ABCG5: variants seen among roughly 807,000 people sequenced by gnomAD.
ABCG5 encodes the protein ATP-binding cassette sub-family G member 5.
A neutral mutation model predicts 64.5 loss-of-function variants in ABCG5; 64 were observed. That is an observed-to-expected ratio of 0.99 (90% CI 0.81 to 1.22). ABCG5 has a LOEUF of 1.22. Among genes scored for constraint, ABCG5 ranks in the 50% most tolerant of loss-of-function variants. ABCG5 has a pLI of 0.00. For synonymous variants in ABCG5, 385 were observed against 326.3 expected (o/e 1.18, Z -1.94); for missense variants, 908 against 829.5 (o/e 1.09, Z -1.16).
intron 12 of ABCG5, among the ~76,000 whole-genome samples, chr2:43,813,708 C>CCTTT (rs1558715512): frequency 2.8e-5 from 1 of 35,374 alleles, no homozygotes; most frequent in Admixed American, 3.7e-4. Context: ...TTTTTTTTTT[C>CCTTT]GTTTTTTTTT....
chr2:43,823,602 T>C (rs1479325181), intron 9 of ABCG5, among the ~76,000 whole-genome samples: 3 of 152,194 alleles, frequency 2.0e-5, no homozygotes, highest in Non-Finnish European at 4.4e-5. Context: ...CCCCATGGGC[T>C]GTGCATCTGA....
chr2:43,822,679 G>A, intron 10 of ABCG5, 118 bp downstream of exon 10: 1 of 1,566,214 alleles, frequency 6.4e-7, no homozygotes. Flanking sequence ...GACACTGATG[G>A]GCAAAGTGTA....
At position 43,824,972 on chromosome 2, in the gene ABCG5, C is replaced by A; in HGVS notation, c.821G>T (p.Cys274Phe). The A allele has an allele frequency of 6.2e-7, 1 of 1,614,010 alleles. No individual in the cohort carries two copies. The highest frequency in any genetic ancestry group is 2.2e-5 in the East Asian group (1 of 44,850). The change falls in exon 7 of 13, where the codon TGT becomes TTT. Residue 274 changes from cysteine to phenylalanine, a missense_variant. Transcript: ENST00000405322. The part of the protein sequence containing the change: ...AILSFGELIF[C>F]GTPAEMLDFF... ...ATCAAGCATTTCCGCTGGCGTGCCA[C>A]AGAAAATCAGCTCTCCGAAGCTCAG...
In ABCG5 at chr2:43,838,723, C is replaced by A. The variant is rs775971505; in HGVS notation, c.-44G>T. 300 of 1,606,282 alleles carry A rather than the reference C, an allele frequency of 1.9e-4. 2 individuals carry two copies. Among genetic ancestry groups the A allele is most frequent in the Middle Eastern group, 6.6e-4 (4 of 6,048 alleles). ...CTGGGCAAATTTTCTGGTGGCCGGA[C>A]CCTCCCCAGAGTGGCTTCAGTTGGG... On this transcript the variant is annotated 5_prime_UTR_variant, in exon 1 of 13. Transcript: ENST00000405322. The surrounding 1 kb of genome is among the most constrained non-coding windows in gnomAD (Gnocchi z 4.2).
chr2:43,821,171 T>G (rs1163641738), intron 10 of ABCG5, among the ~76,000 whole-genome samples: 2 of 152,332 alleles, frequency 1.3e-5, no homozygotes, highest in East Asian at 3.9e-4. Flanking sequence ...ACTTTTCCTC[T>G]GTACAAATCA....
chr2:43,820,201 G>A, intron 10 of ABCG5, 101 bp from the exon 11 acceptor site: 2 of 1,419,068 alleles, frequency 1.4e-6, no homozygotes, highest in Non-Finnish European at 1.9e-6. Context: ...TGAGTGGGTG[G>A]GAGAAGTTTG....
In ABCG5 at chr2:43,838,140, G is replaced by T; in HGVS notation, c.144-185C>A. 1.4e-6 allele frequency: 1 copy of T among 739,670 alleles called. No homozygotes were observed. The highest frequency in any genetic ancestry group is 2.2e-6 in the Non-Finnish European group (1 of 451,970). 45.8% of individuals were successfully genotyped at this position (739,670 alleles called of 1,614,324 possible). ...GATAGCGACTGAGGCTGTCTGCCACGTAGGGAGGGGGCCTGTGCTGGAGTT... is the reference window on the plus strand; with the variant it reads ...GATAGCGACTGAGGCTGTCTGCCACTTAGGGAGGGGGCCTGTGCTGGAGTT... On this transcript the variant is annotated intron_variant, in intron 1 of 12. Coordinates refer to ENST00000405322, the MANE Select transcript of ABCG5 (RefSeq NM_022436.3). This position sits in a 1 kb window ranked among gnomAD's most constrained non-coding sequence, Gnocchi z 4.2.
At chr2:43,822,088 A>G (rs1667247044) in intron 10 of ABCG5, among the ~76,000 whole-genome samples, 1 of 152,056 alleles carries the variant, frequency 6.6e-6, no homozygotes. Flanking sequence ...CATTTTTTGA[A>G]CTTGATCATC....
intron 11 of ABCG5, among the ~76,000 whole-genome samples, chr2:43,818,263 G>A (rs111559090): frequency 0.12 from 18,298 of 152,024 alleles, 1,410 homozygotes; most frequent in Middle Eastern, 0.27. Flanking sequence ...GGCCAACATG[G>A]CGAAACCCCA....
In ABCG5 at chr2:43,831,955, C is replaced by T. The variant is rs1183063380; in HGVS notation, c.394G>A (p.Val132Ile). The T allele has an allele frequency of 1.9e-6, 3 of 1,549,990 alleles. No individual in the cohort carries two copies. In the South Asian group the frequency reaches 3.6e-5, roughly 18 times the overall value. Residue 132 changes from valine to isoleucine, a missense_variant, in exon 3 of 13, where the codon GTC (valine) becomes ATC (isoleucine). Physicochemically the swap from Val to Ile is conservative, Grantham distance 29 (BLOSUM62 3). Coordinates refer to ENST00000405322, the MANE Select transcript of ABCG5 (RefSeq NM_022436.3). ...GTGGGGGACGCGCCCACCTGCAGGA[C>T]GTAGGAGAAGCAGTCCTGGAACTGC... ...REQFQDCFSY[V>I]LQSDTLLSSL... is the part of the protein sequence containing the mutation.
chr2:43,828,470 T>G, intron 4 of ABCG5: 1 of 72,734 alleles, frequency 1.4e-5, no homozygotes, highest in Non-Finnish European at 2.4e-5. Context: ...ACCCTGTCTC[T>G]ACAAAAAAAA....
In ABCG5 at chr2:43,814,551, CTG is replaced by C; in HGVS notation, c.1686_1687del (p.Ile562MetfsTer11). On this transcript the variant is annotated frameshift_variant, in exon 12 of 13. Coordinates refer to ENST00000405322, the MANE Select transcript of ABCG5 (RefSeq NM_022436.3). LOFTEE classifies it high-confidence loss of function. The stretch of plus-strand genomic sequence containing the variant: ...GCAATATTTTTGGAATGTAAAATAA[CTG>C]ATGATTTTAAAAGGAATGGGCATTT... 1 of 1,607,842 alleles carries C rather than the reference CTG, an allele frequency of 6.2e-7. No homozygotes were observed. Among genetic ancestry groups the C allele is most frequent in the Non-Finnish European group, 8.5e-7 (1 of 1,175,480 alleles).
At chr2:43,815,828 G>A (rs1318941611) in intron 11 of ABCG5, among the ~76,000 whole-genome samples, 3 of 148,518 alleles carry the variant, frequency 2.0e-5, no homozygotes, top group Non-Finnish European at 3.0e-5. Context: ...GACAGGTCAC[G>A]TTGAAATCAG....
In ABCG5 at chr2:43,838,420, A is replaced by G. The variant is rs143382868; in HGVS notation, c.143+117T>C. The stretch of plus-strand genomic sequence containing the variant: ...CTCTCCTCTCTCCACCCGATCCACT[A>G]AAGAGGGAGCCCGAAGTGCCCAGAC... On this transcript the variant is annotated intron_variant, in intron 1 of 12. Coordinates refer to ENST00000405322, the MANE Select transcript of ABCG5 (RefSeq NM_022436.3). The surrounding 1 kb of genome is among the most constrained non-coding windows in gnomAD (Gnocchi z 4.2). The G allele has an allele frequency of 3.7e-5, 37 of 1,006,288 alleles. No individual in the cohort carries two copies. The African/African-American group carries it at 5.2e-4, about 14-fold the overall frequency. 62.3% of individuals were successfully genotyped at this position (1,006,288 alleles called of 1,614,324 possible).
At chr2:43,822,147 C>G (rs1246442401) in intron 10 of ABCG5, among the ~76,000 whole-genome samples, 3 of 152,154 alleles carry the variant, frequency 2.0e-5, no homozygotes, top group Non-Finnish European at 1.5e-5. Context: ...CCAAGTTTCT[C>G]AAAACAGAAT....
At chr2:43,816,680 A>G (rs547554455) in intron 11 of ABCG5, among the ~76,000 whole-genome samples, 42 of 152,298 alleles carry the variant, frequency 2.8e-4, no homozygotes, top group African/African-American at 9.9e-4. Context: ...AGTAGCTGAA[A>G]TTACAGGCAC....
Position 43,838,605 on chromosome 2 carries a change from C to T in ABCG5, c.75G>A (p.Leu25=). 6.2e-7 allele frequency: 1 copy of T among 1,612,292 alleles called. No homozygotes were observed. ...CCGGGGCGGTGGCAGGAGCCCCCTCCAGGGAGCTCTGGGAGCCTCTGTTTA... is the reference window on the plus strand; with the variant it reads ...CCGGGGCGGTGGCAGGAGCCCCCTCTAGGGAGCTCTGGGAGCCTCTGTTTA... ...LQVNRGSQSS[L]EGAPATAPEP... The change falls in exon 1 of 13, where the codon CTG becomes CTA. Residue 25 remains leucine, a synonymous_variant. Coordinates refer to ENST00000405322, the MANE Select transcript of ABCG5 (RefSeq NM_022436.3). The surrounding 1 kb of genome is among the most constrained non-coding windows in gnomAD (Gnocchi z 4.2).
At chr2:43,808,881 G>C (rs1211370826), downstream of ABCG5, among the ~76,000 whole-genome samples, 1 of 151,446 alleles carries the variant, frequency 6.6e-6, no homozygotes, top group South Asian at 2.1e-4. Flanking sequence ...CAGAGCAATG[G>C]GTTTCCTTCT....
chr2:43,820,155 A>G, intron 10 of ABCG5, 55 bp from the exon 11 acceptor site: 3 of 1,559,582 alleles, frequency 1.9e-6, no homozygotes, highest in Non-Finnish European at 2.6e-6. Flanking sequence ...TTTAAGAAAA[A>G]TACTGCACTT....
Sources: allele counts gnomAD v4.1 joint callset (sites outside exome capture counted in the v4.1 genomes callset), GRCh38; gene constraint gnomAD v4.1.1; non-coding constraint Gnocchi (gnomAD v3.1); transcripts MANE v1.5; gene names NCBI Gene and HGNC (gene_info 2026-07-23, HGNC 2026-07-21).